The following HNRNPF variants were observed in gnomAD, a reference collection of about 807,000 sequenced individuals.
HNRNPF encodes the protein HnRNP F protein.
HNRNPF carries 2 observed loss-of-function variants against 26.0 expected under a neutral mutation model. That is an observed-to-expected ratio of 0.08 (90% CI 0.03 to 0.24). The LOEUF is 0.24. Among genes scored for constraint, HNRNPF ranks in the 10% least tolerant of loss-of-function variants. The pLI, the probability that HNRNPF is intolerant of heterozygous loss-of-function variation, is 1.00. For synonymous variants in HNRNPF, 234 were observed against 211.5 expected (o/e 1.11, Z -0.92); for missense variants, 299 against 539.2 (o/e 0.55, Z 4.41).
At position 43,387,296 on chromosome 10, in the gene HNRNPF, G is replaced by T. The variant is rs917654157; in HGVS notation, c.589C>A (p.Pro197Thr). ...SQEEVRSYSDPPLKFMSVQRP... is the reference protein window; with the variant it reads ...SQEEVRSYSDTPLKFMSVQRP... ...TGCACGGACATGAACTTCAGAGGGGGATCTGAGTATGACCTAACTTCCTCC... is the reference window on the plus strand; with the variant it reads ...TGCACGGACATGAACTTCAGAGGGGTATCTGAGTATGACCTAACTTCCTCC... Residue 197 changes from proline to threonine, a missense_variant, in exon 4 of 4, where the codon CCC (proline) becomes ACC (threonine). Physicochemically the swap from Pro to Thr is conservative, Grantham distance 38. Coordinates refer to ENST00000682386, the MANE Select transcript of HNRNPF (RefSeq NM_001098204.2). This position sits in a 1 kb window ranked among gnomAD's most constrained non-coding sequence, Gnocchi z 6.0. The T allele has an allele frequency of 1.9e-6, 3 of 1,614,224 alleles. No homozygotes were observed. Among genetic ancestry groups the T allele is most frequent in the Non-Finnish European group, 2.5e-6 (3 of 1,180,042 alleles).
intron 1 of HNRNPF, among the ~76,000 whole-genome samples, chr10:43,399,915 T>C (rs1838700499): frequency 6.6e-6 from 1 of 152,004 alleles, no homozygotes; most frequent in Non-Finnish European, 1.5e-5. Flanking sequence ...AAACAGAAAA[T>C]AGGCATTAGC....
chr10:43,389,993 G>T (rs1219110758), intron 3 of HNRNPF, among the ~76,000 whole-genome samples: 1 of 152,200 alleles, frequency 6.6e-6, no homozygotes, highest in Non-Finnish European at 1.5e-5. Context: ...TGTGCTTTGG[G>T]TCTGCAACAA....
intron 3 of HNRNPF, among the ~76,000 whole-genome samples, chr10:43,392,527 T>C (rs897004350): frequency 6.6e-6 from 1 of 152,124 alleles, no homozygotes; most frequent in Non-Finnish European, 1.5e-5. Flanking sequence ...CGACAGAGAC[T>C]CGTCTCAAAA....
intron 1 of HNRNPF, among the ~76,000 whole-genome samples, chr10:43,401,006 C>T (rs922477938): frequency 6.6e-5 from 10 of 152,030 alleles, no homozygotes; most frequent in African/African-American, 1.9e-4. Context: ...GGTGTGAACC[C>T]GGGAGGCGGA....
chr10:43,404,311 A>AT (rs986002984), intron 1 of HNRNPF, among the ~76,000 whole-genome samples: 1 of 151,840 alleles, frequency 6.6e-6, no homozygotes, highest in African/African-American at 2.4e-5. Context: ...TAAAAAAAAA[A>AT]AAAAAGGAAA....
intron 3 of HNRNPF, among the ~76,000 whole-genome samples, chr10:43,391,975 G>A (rs7092125): frequency 0.24 from 36,517 of 152,036 alleles, 5,788 homozygotes; most frequent in African/African-American, 0.45. Context: ...CACGTGTGGT[G>A]GCTCACCGCC....
At chr10:43,391,271 C>T (rs768690664) in intron 3 of HNRNPF, among the ~76,000 whole-genome samples, 27 of 145,236 alleles carry the variant, frequency 1.9e-4, no homozygotes, top group Non-Finnish European at 3.3e-4. Flanking sequence ...CCAGCCTGGG[C>T]GACAGTGCAA....
chr10:43,403,768 G>A (rs1207083051), intron 1 of HNRNPF, among the ~76,000 whole-genome samples: 1 of 151,984 alleles, frequency 6.6e-6, no homozygotes, highest in Admixed American at 6.6e-5. Flanking sequence ...GGAGGCCGAG[G>A]TGGGCAGATC....
intron 1 of HNRNPF, among the ~76,000 whole-genome samples, chr10:43,403,415 T>A (rs929563810): frequency 2.0e-5 from 3 of 152,222 alleles, no homozygotes; most frequent in Non-Finnish European, 2.9e-5. Flanking sequence ...ACATCTACAA[T>A]GAACTTGGAA....
intron 1 of HNRNPF, among the ~76,000 whole-genome samples, chr10:43,404,963 G>A (rs1244448871): frequency 6.6e-6 from 1 of 152,160 alleles, no homozygotes; most frequent in Middle Eastern, 3.2e-3. Context: ...AATGCTGCAA[G>A]ACAGCCCGAC....
chr10:43,403,414 A>G lies in HNRNPF; in HGVS notation c.-247+5717T>C, dbSNP rs536468197. Among the ~76,000 whole-genome samples the G allele has an allele frequency of 1.8e-4, 28 of 152,346 alleles. No individual in the cohort carries two copies. In the South Asian group the frequency reaches 5.2e-3, roughly 28 times the overall value. ...CTAAATTTTTACACTTACATCTACA[A>G]TGAACTTGGAATTGATTTTTTCATT... On this transcript the variant is annotated intron_variant, in intron 1 of 3. Transcript: ENST00000682386.
chr10:43,387,034 T>C lies in HNRNPF; in HGVS notation c.851A>G (p.Gln284Arg). 6.2e-7 allele frequency: 1 copy of C among 1,613,604 alleles called. No homozygotes were observed. Reference sequence around the variant, plus strand: ...GTGGACACAGTGGCCTGTGGTGCTCTGCACTGTGAACTCACTGTCGCCGTA... The same window carrying C: ...GTGGACACAGTGGCCTGTGGTGCTCCGCACTGTGAACTCACTGTCGCCGTA... Reference protein sequence around the residue: ...HRYGDSEFTVQSTTGHCVHMR... With the variant: ...HRYGDSEFTVRSTTGHCVHMR... The change falls in exon 4 of 4, where the codon CAG becomes CGG. Residue 284 changes from glutamine (Q) to arginine (R), a missense_variant. Gln to Arg is a conservative substitution (Grantham distance 43). Around this residue, in one of 6 missense-constraint regions of HNRNPF, gnomAD observed 74 missense variants for 77.7 expected, o/e 0.95. Coordinates refer to ENST00000682386, the MANE Select transcript of HNRNPF (RefSeq NM_001098204.2). This position sits in a 1 kb window ranked among gnomAD's most constrained non-coding sequence, Gnocchi z 6.0.
At chr10:43,394,923 C>G (rs187203655) in intron 2 of HNRNPF, among the ~76,000 whole-genome samples, 116 of 152,264 alleles carry the variant, frequency 7.6e-4, no homozygotes, top group South Asian at 3.1e-3. Context: ...ATGAGATTTA[C>G]TCTTGATGAG....
intron 3 of HNRNPF, 122 bp from the exon 4 acceptor site, chr10:43,388,058 C>T (rs1838101086): frequency 1.7e-6 from 1 of 577,430 alleles, no homozygotes; most frequent in Non-Finnish European, 3.0e-6. Context: ...TAAGAGTTAA[C>T]TCCAGGTCTC....
At chr10:43,394,519 C>T (rs1168607263) in intron 3 of HNRNPF, 111 bp downstream of exon 3, 1 of 152,120 alleles carries the variant, frequency 6.6e-6, no homozygotes, top group East Asian at 1.9e-4. Flanking sequence ...GTGTCCTGCT[C>T]AAGGTTAATG....
In HNRNPF at chr10:43,388,786, G is replaced by GT. The variant is rs372872198; in HGVS notation, c.-52-851dup. Among the ~76,000 whole-genome samples, 207 of 152,282 alleles carry GT rather than the reference G, an allele frequency of 1.4e-3. 1 individual carries two copies. The highest frequency in any genetic ancestry group is 3.4e-3 in the Middle Eastern group (1 of 294). On this transcript the variant is annotated intron_variant, in intron 3 of 3. Coordinates refer to ENST00000682386, the MANE Select transcript of HNRNPF (RefSeq NM_001098204.2). ...ATGGCACCTGAAGTCCAAACTCAGAGTAAGGCCAACCACACACTGGAAGGC... is the reference window on the plus strand; with the variant it reads ...ATGGCACCTGAAGTCCAAACTCAGAGTTAAGGCCAACCACACACTGGAAGGC...
intron 3 of HNRNPF, among the ~76,000 whole-genome samples, chr10:43,391,352 G>A (rs183129923): frequency 1.6e-4 from 24 of 151,858 alleles, no homozygotes; most frequent in East Asian, 3.9e-4. Flanking sequence ...CAGCCACTAC[G>A]GAGGCTGAGG....
intron 1 of HNRNPF, among the ~76,000 whole-genome samples, chr10:43,400,006 T>C (rs1219327994): frequency 2.6e-5 from 4 of 152,210 alleles, no homozygotes; most frequent in South Asian, 2.1e-4. Flanking sequence ...GAATTTCATG[T>C]AGAAAGAAGG....
intron 1 of HNRNPF, among the ~76,000 whole-genome samples, chr10:43,398,047 GAC>G (rs1345161695): frequency 3.3e-5 from 5 of 152,068 alleles, no homozygotes; most frequent in African/African-American, 7.2e-5. Flanking sequence ...TTTTTTTTGA[GAC>G]ACAGTTTTCA....
Sources: allele counts gnomAD v4.1 joint callset (sites outside exome capture counted in the v4.1 genomes callset), GRCh38; gene constraint gnomAD v4.1.1; regional missense constraint gnomAD v4.1.1; non-coding constraint Gnocchi (gnomAD v3.1); transcripts MANE v1.5; gene names NCBI Gene and HGNC (gene_info 2026-07-23, HGNC 2026-07-21).